The following TTBK2 variants were observed in gnomAD, a reference collection of about 807,000 sequenced individuals.
TTBK2 encodes the protein tau-tubulin kinase 2.
Under a neutral mutation model 110.8 loss-of-function variants are expected in TTBK2, and 28 were observed. That is an observed-to-expected ratio of 0.25 (90% confidence interval 0.19 to 0.35). The LOEUF (loss-of-function observed/expected upper bound fraction) is 0.35, where lower values mean the gene tolerates loss of function less well. Ranked by LOEUF, TTBK2 falls within the 10% of genes least tolerant of loss-of-function variation. The probability of loss-of-function intolerance (pLI) is 1.00; values close to 1 mark genes in which losing one functional copy is unlikely to be tolerated. For missense variants in TTBK2, 1,369 were observed against 1,500.3 expected (o/e 0.91, Z 1.45); for synonymous variants, 532 against 527.3 (o/e 1.01, Z -0.12).
At chr15:42,801,081 G>C in intron 9 of TTBK2, 2 of 791,284 alleles carry the variant, frequency 2.5e-6, no homozygotes, top group Non-Finnish European at 2.3e-6. Flanking sequence ...GCCCATGCCA[G>C]AGCCAAAGCT....
intron 3 of TTBK2, among the ~76,000 whole-genome samples, chr15:42,848,946 T>G (rs1470181133): frequency 1.3e-5 from 2 of 152,202 alleles, no homozygotes; most frequent in Non-Finnish European, 2.9e-5. Context: ...AACTCACTTA[T>G]TCTAGGAAGT....
chr15:42,884,104 AAC>A, intron 1 of TTBK2, among the ~76,000 whole-genome samples: 1 of 152,274 alleles, frequency 6.6e-6, no homozygotes, highest in South Asian at 2.1e-4. Context: ...AGACCATCAA[AAC>A]ACATGAAATA....
chr15:42,823,039 A>G (rs1259013074), intron 6 of TTBK2, among the ~76,000 whole-genome samples: 1 of 152,266 alleles, frequency 6.6e-6, no homozygotes. Flanking sequence ...ACTACTCCCA[A>G]TGGAATTAAG....
At chr15:42,883,219 T>C (rs1004516951) in intron 1 of TTBK2, among the ~76,000 whole-genome samples, 2 of 151,732 alleles carry the variant, frequency 1.3e-5, no homozygotes, top group East Asian at 1.9e-4. Flanking sequence ...CCGTCTCTTC[T>C]AAAAATACAA....
chr15:42,823,891 G>T (rs895044372), intron 6 of TTBK2, among the ~76,000 whole-genome samples: 1 of 152,134 alleles, frequency 6.6e-6, no homozygotes, highest in African/African-American at 2.4e-5. Context: ...TAAAGAAGAG[G>T]TCTGTTTGGT....
intron 1 of TTBK2, among the ~76,000 whole-genome samples, chr15:42,896,320 C>G (rs917664599): frequency 6.6e-6 from 1 of 152,066 alleles, no homozygotes; most frequent in Non-Finnish European, 1.5e-5. Flanking sequence ...GAGCAAAACT[C>G]TGTCTCAAAA....
chr15:42,807,575 A>C (rs1015518119), intron 9 of TTBK2, among the ~76,000 whole-genome samples: 1 of 135,956 alleles, frequency 7.4e-6, no homozygotes, highest in African/African-American at 3.3e-5. Flanking sequence ...CACCTGGCTA[A>C]TTTTTTTTGT....
chr15:42,832,139 C>T (rs1311831828), intron 4 of TTBK2, among the ~76,000 whole-genome samples: 6 of 152,000 alleles, frequency 3.9e-5, no homozygotes, highest in Admixed American at 2.0e-4. Flanking sequence ...CTGTAGCGAA[C>T]GTTAAATAAG....
chr15:42,807,555 C>A (rs1215154864), intron 9 of TTBK2, among the ~76,000 whole-genome samples: 1 of 151,650 alleles, frequency 6.6e-6, no homozygotes, highest in African/African-American at 2.4e-5. Context: ...ACTACAGGTG[C>A]ATGCTACCAC....
intron 4 of TTBK2, among the ~76,000 whole-genome samples, chr15:42,837,657 CAAAAAAAAAAAA>C (rs35898464): frequency 1.0e-4 from 4 of 40,018 alleles, no homozygotes; most frequent in Non-Finnish European, 1.5e-4. Flanking sequence ...GACTCTGTCT[CAAAAAAAAAAAA>C]AAAAAAAAAA....
At chr15:42,897,823 T>TACACACACACAC (rs60880098) in intron 1 of TTBK2, among the ~76,000 whole-genome samples, 4 of 140,762 alleles carry the variant, frequency 2.8e-5, no homozygotes, top group Admixed American at 7.3e-5. Context: ...CCAGTAGTGG[T>TACACACACACAC]ACACACACAC....
intron 11 of TTBK2, among the ~76,000 whole-genome samples, chr15:42,781,990 T>C (rs1890199737): frequency 6.6e-6 from 1 of 152,170 alleles, no homozygotes; most frequent in Non-Finnish European, 1.5e-5. Context: ...AAAAGATAAA[T>C]ATAGCTGTTT....
intron 6 of TTBK2, among the ~76,000 whole-genome samples, chr15:42,820,255 A>C (rs1892235009): frequency 6.6e-6 from 1 of 152,214 alleles, no homozygotes; most frequent in South Asian, 2.1e-4. Flanking sequence ...AACTGGAGAA[A>C]AACAGTCACA....
intron 1 of TTBK2, among the ~76,000 whole-genome samples, chr15:42,912,847 C>T (rs992195594): frequency 2.2e-4 from 33 of 152,046 alleles, no homozygotes; most frequent in African/African-American, 7.2e-4. Context: ...CAACATAGGC[C>T]GGGCGCGGTG....
At chr15:42,763,732 GGCCAA>G (rs986747857) in intron 13 of TTBK2, among the ~76,000 whole-genome samples, 92 of 152,194 alleles carry the variant, frequency 6.0e-4, no homozygotes, top group African/African-American at 2.1e-3. Flanking sequence ...CTTCCACTTT[GGCCAA>G]TGTGGATTGA....
At chr15:42,809,588 C>T (rs1891614273) in intron 9 of TTBK2, among the ~76,000 whole-genome samples, 1 of 152,164 alleles carries the variant, frequency 6.6e-6, no homozygotes, top group Admixed American at 6.5e-5. Flanking sequence ...GTATACATTT[C>T]AGAAAATACA....
chr15:42,877,659 C>CT (rs35874884), intron 2 of TTBK2, among the ~76,000 whole-genome samples: 1 of 151,902 alleles, frequency 6.6e-6, no homozygotes, highest in Admixed American at 6.6e-5. Flanking sequence ...GAAATGATTA[C>CT]TTTTTTTTAG....
intron 10 of TTBK2, among the ~76,000 whole-genome samples, chr15:42,791,173 G>T (rs534532669): frequency 1.3e-5 from 2 of 151,816 alleles, no homozygotes; most frequent in South Asian, 2.1e-4. Context: ...CGTGAGCCAC[G>T]GTGCCTGGCC....
intron 1 of TTBK2, among the ~76,000 whole-genome samples, chr15:42,909,648 T>C (rs1169302350): frequency 6.6e-6 from 1 of 151,908 alleles, no homozygotes; most frequent in Admixed American, 6.6e-5. Context: ...ATGAAGAAAA[T>C]ATTGCTATAC....
Sources: gnomAD v4.1 joint callset for allele counts (sites outside exome capture counted in the v4.1 genomes callset) on GRCh38, gnomAD v4.1.1 for gene constraint, MANE v1.5 for transcripts, NCBI Gene and HGNC (gene_info 2026-07-23, HGNC 2026-07-21) for gene names.